The following HPSE2 variants were observed in gnomAD, a reference collection of about 807,000 sequenced individuals.
The protein encoded by HPSE2 is heparanase 2 (inactive), also known as inactive heparanase-2.
Under a neutral mutation model 60.5 loss-of-function variants are expected in HPSE2, and 38 were observed. The ratio of observed to expected loss-of-function variants is 0.63; its 90% CI spans 0.48 to 0.82. The LOEUF is 0.82. Ranked by LOEUF, HPSE2 falls within the 40% of genes least tolerant of loss-of-function variation. The pLI is 0.00. For synonymous variants in HPSE2, 295 were observed against 293.2 expected, an observed-to-expected ratio of 1.01 and a Z score of -0.06; for missense variants, 713 against 740.4, an observed-to-expected ratio of 0.96 and a Z score of 0.43.
chr10:99,223,631 T>C (rs1849382080), intron 2 of HPSE2, among the ~76,000 whole-genome samples: 1 of 152,186 alleles, frequency 6.6e-6, no homozygotes, highest in Non-Finnish European at 1.5e-5. Context: ...ATAAATACTT[T>C]GTTTGACTTA....
chr10:98,822,973 T>C (rs989322997), intron 3 of HPSE2, among the ~76,000 whole-genome samples: 1 of 152,188 alleles, frequency 6.6e-6, no homozygotes, highest in African/African-American at 2.4e-5. Context: ...GTGAGCCTGA[T>C]ATAATTACAA....
intron 3 of HPSE2, among the ~76,000 whole-genome samples, chr10:99,123,476 C>G (rs1204149430): frequency 6.6e-6 from 1 of 152,216 alleles, no homozygotes; most frequent in Non-Finnish European, 1.5e-5. Flanking sequence ...AAAAACAGCA[C>G]TAAAGGCAGA....
At chr10:98,960,987 C>A (rs1430574244) in intron 3 of HPSE2, among the ~76,000 whole-genome samples, 1 of 79,662 alleles carries the variant, frequency 1.3e-5, no homozygotes, top group Non-Finnish European at 2.3e-5. Flanking sequence ...TGAGAATATG[C>A]GGTGTTTGGT....
At chr10:98,864,560 G>C (rs1193960141) in intron 3 of HPSE2, among the ~76,000 whole-genome samples, 1 of 152,074 alleles carries the variant, frequency 6.6e-6, no homozygotes, top group African/African-American at 2.4e-5. Context: ...GACTGAGAGA[G>C]GCTAAATAAA....
At chr10:98,771,395 T>C (rs929697546) in intron 3 of HPSE2, among the ~76,000 whole-genome samples, 2 of 152,158 alleles carry the variant, frequency 1.3e-5, no homozygotes, top group Non-Finnish European at 2.9e-5. Flanking sequence ...CCTCAGAGTT[T>C]AGTGACCACC....
intron 3 of HPSE2, among the ~76,000 whole-genome samples, chr10:98,911,826 G>A (rs992206382): frequency 6.6e-6 from 1 of 152,104 alleles, no homozygotes; most frequent in Non-Finnish European, 1.5e-5. Flanking sequence ...GGAGGCTGTT[G>A]CAAATAGAAC....
chr10:99,198,200 T>C (rs1247219259), intron 2 of HPSE2, among the ~76,000 whole-genome samples: 2 of 152,176 alleles, frequency 1.3e-5, no homozygotes, highest in African/African-American at 4.8e-5. Context: ...ATTATGTCAT[T>C]TCACACAACT....
chr10:99,050,796 G>A (rs1298760140), intron 3 of HPSE2, among the ~76,000 whole-genome samples: 1 of 152,060 alleles, frequency 6.6e-6, no homozygotes, highest in African/African-American at 2.4e-5. Flanking sequence ...TAAAACAATC[G>A]AACTCAGGGA....
chr10:99,038,301 G>C (rs1441705777), intron 3 of HPSE2, among the ~76,000 whole-genome samples: 1 of 151,910 alleles, frequency 6.6e-6, no homozygotes, highest in Non-Finnish European at 1.5e-5. Flanking sequence ...AAACAAACAG[G>C]GGTCAGCCAC....
At chr10:99,312,087 T>C in the HPSE2 span, among the ~76,000 whole-genome samples, 1 of 152,168 alleles carries the variant, frequency 6.6e-6, no homozygotes, top group Non-Finnish European at 1.5e-5. Flanking sequence ...TTGGGACTAG[T>C]AAAGTGTGGT....
intron 3 of HPSE2, among the ~76,000 whole-genome samples, chr10:98,821,415 C>T (rs745616150): frequency 3.9e-5 from 6 of 152,088 alleles, no homozygotes; most frequent in Non-Finnish European, 8.8e-5. Context: ...TTAAACATAT[C>T]TCAACATAGA....
the HPSE2 span, among the ~76,000 whole-genome samples, chr10:99,241,058 A>G: frequency 6.6e-6 from 1 of 152,316 alleles, no homozygotes; most frequent in Admixed American, 6.5e-5. Flanking sequence ...TTTTGTATAA[A>G]CTTCTTCTTA....
intron 3 of HPSE2, among the ~76,000 whole-genome samples, chr10:99,012,346 A>C (rs1957037376): frequency 6.6e-6 from 1 of 152,148 alleles, no homozygotes; most frequent in Non-Finnish European, 1.5e-5. Context: ...TCTGATCGCT[A>C]TCACATTCTG....
intron 3 of HPSE2, among the ~76,000 whole-genome samples, chr10:98,859,498 C>A (rs1421988490): frequency 6.6e-6 from 1 of 152,106 alleles, no homozygotes; most frequent in Non-Finnish European, 1.5e-5. Context: ...CCTTTGAGAG[C>A]CCAAATAGTA....
At chr10:99,248,936 C>T in the HPSE2 span, among the ~76,000 whole-genome samples, 5 of 152,298 alleles carry the variant, frequency 3.3e-5, no homozygotes, top group Admixed American at 1.3e-4. Context: ...GTTAAGCCTC[C>T]GGATGCTCAG....
At chr10:98,732,437 T>C (rs906281810) in intron 4 of HPSE2, among the ~76,000 whole-genome samples, 1 of 152,090 alleles carries the variant, frequency 6.6e-6, no homozygotes, top group Non-Finnish European at 1.5e-5. Context: ...AGGAAAGACA[T>C]ACAGATCAGC....
intron 2 of HPSE2, among the ~76,000 whole-genome samples, chr10:99,207,784 C>T (rs372830665): frequency 6.6e-6 from 1 of 151,702 alleles, no homozygotes; most frequent in East Asian, 1.9e-4. Flanking sequence ...AAAGTAAAAA[C>T]CTATAGTAGG....
chr10:99,305,965 G>GTA, the HPSE2 span, among the ~76,000 whole-genome samples: 32 of 63,996 alleles, frequency 5.0e-4, no homozygotes, highest in Admixed American at 3.0e-3. Flanking sequence ...ACACACACGC[G>GTA]CGCGCGCGCG....
chr10:98,518,956 C>T (rs2133767253), intron 9 of HPSE2, among the ~76,000 whole-genome samples: 1 of 152,142 alleles, frequency 6.6e-6, no homozygotes, highest in East Asian at 1.9e-4. Context: ...AGAACTCAAA[C>T]AGCTGACCAA....
Sources: gnomAD v4.1 joint callset for allele counts (sites outside exome capture counted in the v4.1 genomes callset) on GRCh38, gnomAD v4.1.1 for gene constraint, MANE v1.5 for transcripts, NCBI Gene and HGNC (gene_info 2026-07-23, HGNC 2026-07-21) for gene names.